WDR47: variants seen among roughly 807,000 people sequenced by gnomAD.
WDR47 encodes WD repeat-containing protein 47.
WDR47 carries 32 observed loss-of-function variants against 97.2 expected under a neutral mutation model. The ratio of observed to expected loss-of-function variants is 0.33; its 90% CI spans 0.25 to 0.44. The LOEUF (loss-of-function observed/expected upper bound fraction) is 0.44, where lower values mean the gene tolerates loss of function less well. WDR47 is among the 20% of genes least tolerant of loss of function. The pLI is 1.00. For missense variants in WDR47, 782 were observed against 1,102.3 expected, an observed-to-expected ratio of 0.71 and a Z score of 4.11; for synonymous variants, 375 against 373.5, an observed-to-expected ratio of 1.00 and a Z score of -0.05.
intron 1 of WDR47, chr1:109,041,486 G>T (rs1052227177): frequency 1.3e-5 from 2 of 152,300 alleles, no homozygotes; most frequent in Non-Finnish European, 1.5e-5. Context: ...GGCGAGGAAG[G>T]AAGAATCGGC....
chr1:109,004,620 G>A lies in WDR47; in HGVS notation c.1226C>T (p.Pro409Leu), dbSNP rs1660453184. The A allele has an allele frequency of 1.2e-6, 2 of 1,613,302 alleles. No homozygotes were observed. Among genetic ancestry groups the A allele is most frequent in the East Asian group, 4.5e-5 (2 of 44,818 alleles). Residue 409 changes from proline (P) to leucine (L), a missense_variant, in exon 6 of 15, where the codon CCA (proline) becomes CTA (leucine). Physicochemically the swap from Pro to Leu is moderately conservative, Grantham distance 98. This residue lies in a region of WDR47 where 428 missense variants were observed against 584.3 expected (regional missense o/e 0.73). Coordinates refer to ENST00000369962, the MANE Select transcript of WDR47 (RefSeq NM_001142551.2). Reference protein sequence around the residue: ...EKEPANGAQNPGPAKQEKNEL... With the variant: ...EKEPANGAQNLGPAKQEKNEL... ...ATTTTTTTCTTGTTTAGCTGGTCCT[G>A]GATTCTGTGCTCCATTTGCAGGCTC...
intron 13 of WDR47, among the ~76,000 whole-genome samples, chr1:108,976,028 C>A (rs1657862341): frequency 6.6e-6 from 1 of 152,150 alleles, no homozygotes. Flanking sequence ...TAGGGCCAGG[C>A]CGTCAAGCGC....
In WDR47 at chr1:108,976,560, C is replaced by T. The variant is rs369052294; in HGVS notation, c.2399-1806G>A. On this transcript the variant is annotated intron_variant, in intron 13 of 14. Coordinates refer to ENST00000369962, the MANE Select transcript of WDR47 (RefSeq NM_001142551.2). Reference sequence around the variant, plus strand: ...TGCTAAACCTCTTCTGAAAATAAAACAGGTATCATTGCTGCCTTGATGAAA... The same window carrying T: ...TGCTAAACCTCTTCTGAAAATAAAATAGGTATCATTGCTGCCTTGATGAAA... Among the ~76,000 whole-genome samples, 22 of 152,282 alleles carry T rather than the reference C, an allele frequency of 1.4e-4. No individual in the cohort carries two copies. The South Asian group carries it at 4.6e-3, about 32-fold the overall frequency.
chr1:109,006,776 C>A (rs1288979520), intron 5 of WDR47, among the ~76,000 whole-genome samples: 4 of 152,148 alleles, frequency 2.6e-5, no homozygotes, highest in African/African-American at 4.8e-5. Flanking sequence ...TTCAAGCTTA[C>A]ATATTTCAAA....
At chr1:108,972,669 C>T (rs772379929) in intron 14 of WDR47, among the ~76,000 whole-genome samples, 5 of 152,084 alleles carry the variant, frequency 3.3e-5, no homozygotes, top group African/African-American at 4.8e-5. Flanking sequence ...AGGCCGGGCG[C>T]GGTGGCTCAC....
intron 2 of WDR47, 66 bp from the exon 3 acceptor site, chr1:109,017,667 C>G: frequency 3.2e-6 from 4 of 1,248,686 alleles, no homozygotes; most frequent in Non-Finnish European, 3.4e-6. Context: ...AAAAGCAGAA[C>G]AGATGACAAA....
intron 1 of WDR47, among the ~76,000 whole-genome samples, chr1:109,040,689 A>G (rs932071597): frequency 3.3e-5 from 5 of 152,172 alleles, no homozygotes; most frequent in Non-Finnish European, 5.9e-5. Context: ...AAGTAGAATT[A>G]TTCATTTCAT....
intron 9 of WDR47, 184 bp from the exon 10 acceptor site, chr1:108,986,864 T>C: frequency 3.9e-6 from 2 of 514,344 alleles, no homozygotes; most frequent in Non-Finnish European, 3.4e-6. Flanking sequence ...CTAATATCCT[T>C]TAAGAGGCAA....
intron 1 of WDR47, among the ~76,000 whole-genome samples, chr1:109,026,574 T>C (rs920693747): frequency 8.5e-5 from 13 of 152,094 alleles, no homozygotes; most frequent in Non-Finnish European, 1.8e-4. Flanking sequence ...AGCAAAAAAA[T>C]GGCTTTTACT....
At chr1:108,979,074 G>A (rs1658143851) in intron 13 of WDR47, among the ~76,000 whole-genome samples, 1 of 152,156 alleles carries the variant, frequency 6.6e-6, no homozygotes, top group Non-Finnish European at 1.5e-5. Flanking sequence ...AGAAGCAGAG[G>A]AGGAGAGATA....
In WDR47 at chr1:108,974,723, G is replaced by A. The variant is rs781437502; in HGVS notation, c.2430C>T (p.Pro810=). ...GSAVASVAVD[P]SGRLLATGQE... is the part of the protein sequence containing the mutation. ...GACCTGTGGCTAAGAGACGACCACT[G>A]GGATCTACAGCTACAGATGCCACTG... is the stretch of plus-strand genomic sequence containing the variant. Residue 810 remains proline (P), a synonymous_variant, in exon 14 of 15, where the codon CCC becomes CCT. Coordinates refer to ENST00000369962, the MANE Select transcript of WDR47 (RefSeq NM_001142551.2). 77 of 1,612,874 alleles carry A rather than the reference G, an allele frequency of 4.8e-5. No homozygotes were observed. The highest frequency in any genetic ancestry group is 8.9e-5 in the East Asian group (4 of 44,872).
At chr1:109,017,382 G>T in intron 3 of WDR47, 136 bp downstream of exon 3, 1 of 714,890 alleles carries the variant, frequency 1.4e-6, no homozygotes, top group Non-Finnish European at 2.4e-6. Flanking sequence ...CAGCTTGGGT[G>T]ACAGAGAGAG....
At chr1:109,016,611 C>T (rs1016115264) in intron 3 of WDR47, among the ~76,000 whole-genome samples, 1 of 152,014 alleles carries the variant, frequency 6.6e-6, no homozygotes, top group Non-Finnish European at 1.5e-5. Flanking sequence ...GCAGAGATTT[C>T]GGGACAAATC....
intron 7 of WDR47, among the ~76,000 whole-genome samples, chr1:109,001,535 C>G (rs1660189737): frequency 6.6e-6 from 1 of 152,074 alleles, no homozygotes; most frequent in South Asian, 2.1e-4. Context: ...GTTCTCAGCA[C>G]TTTACAAAGA....
At chr1:109,037,326 T>C (rs1204686843) in intron 1 of WDR47, among the ~76,000 whole-genome samples, 1 of 117,744 alleles carries the variant, frequency 8.5e-6, no homozygotes, top group African/African-American at 3.1e-5. Flanking sequence ...CAAAACTCCG[T>C]CTAAAAAAAA....
chr1:108,995,505 T>G (rs747420881), intron 8 of WDR47, 75 bp downstream of exon 8: 40 of 1,543,606 alleles, frequency 2.6e-5, no homozygotes, highest in Non-Finnish European at 3.4e-5. Flanking sequence ...TTTATAAGGC[T>G]CCAAAGACAA....
chr1:109,022,987 G>A (rs1364379587), intron 2 of WDR47, among the ~76,000 whole-genome samples: 2 of 151,470 alleles, frequency 1.3e-5, no homozygotes, highest in African/African-American at 2.4e-5. Context: ...GGCAGATCAC[G>A]AGGTCAGGAG....
intron 7 of WDR47, among the ~76,000 whole-genome samples, chr1:109,001,693 C>T (rs1660202781): frequency 6.6e-6 from 1 of 152,012 alleles, no homozygotes; most frequent in African/African-American, 2.4e-5. Context: ...AGTTTGAGAC[C>T]AGCCTGGGCA....
chr1:109,029,708 T>A (rs1412375500), intron 1 of WDR47, among the ~76,000 whole-genome samples: 1 of 142,920 alleles, frequency 7.0e-6, no homozygotes, highest in Non-Finnish European at 1.5e-5. Context: ...AATAAATAAA[T>A]AAATATTTTT....
Sources: gnomAD v4.1 joint callset for allele counts (sites outside exome capture counted in the v4.1 genomes callset) on GRCh38, gnomAD v4.1.1 for gene constraint, gnomAD v4.1.1 regional missense constraint, MANE v1.5 for transcripts, NCBI Gene and HGNC (gene_info 2026-07-23, HGNC 2026-07-21) for gene names.